UBA6: variants seen among roughly 807,000 people sequenced by gnomAD.
UBA6 encodes the protein ubiquitin-like modifier-activating enzyme 6.
Under a neutral mutation model 148.3 loss-of-function variants are expected in UBA6, and 87 were observed. The ratio of observed to expected loss-of-function variants is 0.59; its 90% CI spans 0.49 to 0.70. The LOEUF is 0.70. Ranked by LOEUF, UBA6 falls within the 30% of genes least tolerant of loss-of-function variation. UBA6 has a pLI of 0.00. For missense variants in UBA6, 1,186 were observed against 1,241.2 expected (o/e 0.96, Z 0.67); for synonymous variants, 376 against 401.0 (o/e 0.94, Z 0.75).
chr4:67,625,409 AC>A (rs748274436), intron 28 of UBA6, among the ~76,000 whole-genome samples: 30 of 151,504 alleles, frequency 2.0e-4, no homozygotes, highest in Non-Finnish European at 2.5e-4. Context: ...AAAAAAAAAA[AC>A]GATGGTTTTA....
intron 9 of UBA6, among the ~76,000 whole-genome samples, chr4:67,665,923 C>A (rs1164526459): frequency 6.6e-6 from 1 of 151,946 alleles, no homozygotes; most frequent in African/African-American, 2.4e-5. Context: ...AAATAACAAC[C>A]ATAAAAGAAA....
intron 16 of UBA6, among the ~76,000 whole-genome samples, chr4:67,645,691 GAATTT>G (rs1380992605): frequency 6.6e-6 from 1 of 151,756 alleles, no homozygotes; most frequent in African/African-American, 2.4e-5. Context: ...CATATTTCTA[GAATTT>G]AATTTTTGAA....
At chr4:67,698,566 A>C (rs1317401210) in intron 1 of UBA6, among the ~76,000 whole-genome samples, 1 of 152,206 alleles carries the variant, frequency 6.6e-6, no homozygotes, top group African/African-American at 2.4e-5. Context: ...GAGCAGGCAA[A>C]TGGCACTGCC....
chr4:67,696,516 C>CAT (rs145053457), intron 2 of UBA6, 129 bp downstream of exon 2: 2 of 595,666 alleles, frequency 3.4e-6, no homozygotes, highest in Non-Finnish European at 5.8e-6. Context: ...TACATATATA[C>CAT]ATACACACAC....
chr4:67,635,507 A>G lies in UBA6; in HGVS notation c.1788T>C (p.Thr596=). The change falls in exon 20 of 33, where the codon ACT becomes ACC. Residue 596 remains threonine (T), a synonymous_variant. Coordinates refer to ENST00000322244, the MANE Select transcript of UBA6 (RefSeq NM_018227.6). ...RPLLDSGTMG[T]KGHTEVIVPH... ...GTACAATAACTTCAGTGTGTCCCTT[A>G]GTGCCCATTGTTCCAGAATCTAAAA... The G allele has an allele frequency of 6.2e-7, 1 of 1,613,090 alleles. No individual in the cohort carries two copies. The highest frequency in any genetic ancestry group is 8.5e-7 in the Non-Finnish European group (1 of 1,179,206).
chr4:67,620,707 A>G (rs900500558), intron 32 of UBA6, among the ~76,000 whole-genome samples: 2 of 152,208 alleles, frequency 1.3e-5, no homozygotes, highest in African/African-American at 4.8e-5. Context: ...TGATAACAAA[A>G]TATTAACAGG....
intron 17 of UBA6, among the ~76,000 whole-genome samples, chr4:67,642,535 C>G (rs1729331765): frequency 6.6e-6 from 1 of 152,050 alleles, no homozygotes; most frequent in African/African-American, 2.4e-5. Flanking sequence ...AACCTAACAT[C>G]TTTCAGTAAG....
intron 27 of UBA6, among the ~76,000 whole-genome samples, chr4:67,627,000 T>C (rs1337544592): frequency 6.6e-6 from 1 of 151,984 alleles, no homozygotes; most frequent in African/African-American, 2.4e-5. Context: ...GGCCATCCTT[T>C]AAATATTCAC....
At chr4:67,659,170 G>C (rs1176597960) in intron 13 of UBA6, among the ~76,000 whole-genome samples, 1 of 151,910 alleles carries the variant, frequency 6.6e-6, no homozygotes, top group Non-Finnish European at 1.5e-5. Flanking sequence ...TTTCATTATG[G>C]CTAGTGAGTC....
chr4:67,634,798 T>C (rs1464531738), intron 20 of UBA6, among the ~76,000 whole-genome samples: 2 of 152,104 alleles, frequency 1.3e-5, no homozygotes, highest in South Asian at 2.1e-4. Flanking sequence ...CCATCATCTA[T>C]AAATCATTTT....
rs1252913662 is a variant in UBA6 at position 67,614,263 on chromosome 4, T to C, written c.*4734A>G. On this transcript the variant is annotated 3_prime_UTR_variant, in exon 33 of 33. Transcript: ENST00000322244. ...GTCCTGCCTTTCTGAACCAAACCAATGCATTTCTTAAACGTATTTGATGTC... is the reference window on the plus strand; with the variant it reads ...GTCCTGCCTTTCTGAACCAAACCAACGCATTTCTTAAACGTATTTGATGTC... 1 of 152,196 alleles carries C rather than the reference T, an allele frequency of 6.6e-6. No individual in the cohort carries two copies. Among genetic ancestry groups the C allele is most frequent in the African/African-American group, 2.4e-5 (1 of 41,432 alleles). 9.4% of individuals were successfully genotyped at this position (152,196 alleles called of 1,614,324 possible).
intron 19 of UBA6, 127 bp downstream of exon 19, chr4:67,638,816 T>G: frequency 1.6e-6 from 1 of 613,646 alleles, no homozygotes; most frequent in Non-Finnish European, 2.8e-6. Flanking sequence ...GGGTTTGTGT[T>G]TGAGGAGTAC....
chr4:67,625,975 G>T (rs1402693049), intron 28 of UBA6, among the ~76,000 whole-genome samples: 1 of 151,846 alleles, frequency 6.6e-6, no homozygotes, highest in Admixed American at 6.6e-5. Flanking sequence ...ATCCTAAAGT[G>T]ATTTAAATGG....
intron 2 of UBA6, among the ~76,000 whole-genome samples, chr4:67,692,509 C>T (rs764011410): frequency 1.3e-4 from 20 of 152,150 alleles, no homozygotes; most frequent in Non-Finnish European, 1.5e-4. Flanking sequence ...TAAACACCAG[C>T]GGCCAGTCCT....
rs139330294 is a variant in UBA6, at chr4:67,626,364, G to A, written c.2514C>T (p.Thr838=). The A allele has an allele frequency of 1.4e-5, 22 of 1,597,270 alleles. No homozygotes were observed. In the Admixed American group the frequency reaches 1.8e-4, roughly 13 times the overall value. ...TTTATAAAGATTTTCCCTTACTTTT[G>A]GTGGCTTCATTAGATAAAATAGCCT... ...LEKAILSNEA[T]KSDLQMAVLS... The change falls in exon 28 of 33, where the codon ACC becomes ACT. Residue 838 remains threonine (T), a synonymous_variant. Coordinates refer to ENST00000322244, the MANE Select transcript of UBA6 (RefSeq NM_018227.6).
chr4:67,673,290 T>G (rs1046676932), intron 7 of UBA6, among the ~76,000 whole-genome samples: 1 of 151,816 alleles, frequency 6.6e-6, no homozygotes, highest in Non-Finnish European at 1.5e-5. Flanking sequence ...GGCGGGTGCC[T>G]GTAAGATCCC....
chr4:67,650,793 A>C (rs903606190), intron 13 of UBA6, among the ~76,000 whole-genome samples: 2 of 152,154 alleles, frequency 1.3e-5, no homozygotes, highest in Non-Finnish European at 1.5e-5. Context: ...TATTGATGAG[A>C]GGTATAAAAC....
intron 28 of UBA6, 140 bp from the exon 29 acceptor site, chr4:67,625,327 G>A (rs1303413311): frequency 4.8e-6 from 3 of 630,008 alleles, no homozygotes; most frequent in Non-Finnish European, 7.2e-6. Context: ...AAAAATTCAG[G>A]CAACTAATGT....
Position 67,614,807 on chromosome 4 carries a change from C to T in UBA6, c.*4190G>A, listed in dbSNP as rs4860262. The stretch of plus-strand genomic sequence containing the variant: ...TTGGGAGAAGATATTGGCAACTATA[C>T]AGCCAACAAAGAATAAGATTTATAA... On this transcript the variant is annotated 3_prime_UTR_variant, in exon 33 of 33. Transcript: ENST00000322244. The T allele has an allele frequency of 0.38, 58,366 of 151,942 alleles. 11,301 individuals carry two copies. The highest frequency in any genetic ancestry group is 0.48 in the Middle Eastern group (139 of 292). 9.4% of individuals were successfully genotyped at this position (151,942 alleles called of 1,614,324 possible).
Sources: allele counts gnomAD v4.1 joint callset (sites outside exome capture counted in the v4.1 genomes callset), GRCh38; gene constraint gnomAD v4.1.1; transcripts MANE v1.5; gene names NCBI Gene and HGNC (gene_info 2026-07-23, HGNC 2026-07-21).